TMED7: variants seen among roughly 807,000 people sequenced by gnomAD.
TMED7 encodes transmembrane p24 trafficking protein 7.
A neutral mutation model predicts 23.4 loss-of-function variants in TMED7; 8 were observed. That is an observed-to-expected ratio of 0.34 (90% CI 0.20 to 0.62). The LOEUF (loss-of-function observed/expected upper bound fraction) is 0.62. TMED7 is among the 20% of genes least tolerant of loss of function. The pLI is 0.77. For synonymous variants in TMED7, 121 were observed against 108.5 expected (o/e 1.12, Z -0.72); for missense variants, 232 against 279.1 (o/e 0.83, Z 1.20).
In TMED7 at chr5:115,625,615, T is replaced by C; in HGVS notation, c.178A>G (p.Thr60Ala). 1.3e-6 allele frequency: 2 copies of C among 1,587,922 alleles called. No individual in the cohort carries two copies. The highest frequency in any genetic ancestry group is 1.7e-6 in the Non-Finnish European group (2 of 1,167,722). ...YEDIAQGTKC[T>A]LEFQVITGGH... Reference sequence around the variant, plus strand: ...GCCCCTGATACCTGGAACTCCAGGGTGCACTTGGTGCCCTGAGCGATGTCC... The same window carrying C: ...GCCCCTGATACCTGGAACTCCAGGGCGCACTTGGTGCCCTGAGCGATGTCC... The change falls in exon 1 of 3, where the codon ACC (threonine) becomes GCC (alanine). Residue 60 changes from threonine (T) to alanine (A), a missense_variant. This residue lies in a region of TMED7 where 106 missense variants were observed against 97.0 expected (regional missense o/e 1.09). Transcript: ENST00000456936.
rs973626531 is a variant in TMED7, at chr5:115,615,597, C to T, written c.*612G>A. The T allele has an allele frequency of 6.5e-6, 1 of 152,984 alleles. No homozygotes were observed. Among genetic ancestry groups the T allele is most frequent in the Non-Finnish European group, 1.5e-5 (1 of 68,362 alleles). 9.5% of individuals were successfully genotyped at this position (152,984 alleles called of 1,614,324 possible). A position where few individuals can be genotyped will look rare whatever the true frequency, so the allele number is the denominator to read the frequency against. ...TACTGTTTTCTGTGTACTACAAATG[C>T]CTTTATGAAAAAATAGCATAGCTGG... On this transcript the variant is annotated 3_prime_UTR_variant, in exon 3 of 3. Coordinates refer to ENST00000456936, the MANE Select transcript of TMED7 (RefSeq NM_181836.6).
intron 2 of TMED7, among the ~76,000 whole-genome samples, chr5:115,619,413 A>C (rs973823686): frequency 1.3e-5 from 2 of 152,186 alleles, no homozygotes; most frequent in Non-Finnish European, 2.9e-5. Context: ...GAACACTAAA[A>C]TACCAGTTTA....
At position 115,615,104 on chromosome 5, in the gene TMED7, TTAAC is replaced by T. The variant is rs1756656968; in HGVS notation, c.*1101_*1104del. On this transcript the variant is annotated 3_prime_UTR_variant, in exon 3 of 3. Coordinates refer to ENST00000456936, the MANE Select transcript of TMED7 (RefSeq NM_181836.6). ...CAGAATATGCACTATTTAATACTCA[TTAAC>T]TAAAGAAAAGTCAATGAAGATTACC... 6.6e-6 allele frequency: 1 copy of T among 152,222 alleles called. No individual in the cohort carries two copies. Among genetic ancestry groups the T allele is most frequent in the South Asian group, 2.1e-4 (1 of 4,832 alleles). 9.4% of individuals were successfully genotyped at this position (152,222 alleles called of 1,614,324 possible).
intron 1 of TMED7, among the ~76,000 whole-genome samples, chr5:115,624,440 A>T (rs539714389): frequency 2.0e-5 from 3 of 152,146 alleles, no homozygotes; most frequent in Admixed American, 6.5e-5. Flanking sequence ...ATAACCTCCT[A>T]ATCAGCCTTC....
Position 115,614,776 on chromosome 5 carries a change from G to A in TMED7, c.*1433C>T, listed in dbSNP as rs1236508963. 1.3e-5 allele frequency: 2 copies of A among 152,014 alleles called. No individual in the cohort carries two copies. The highest frequency in any genetic ancestry group is 4.8e-5 in the African/African-American group (2 of 41,410). 9.4% of individuals were successfully genotyped at this position (152,014 alleles called of 1,614,324 possible). A position where few individuals can be genotyped will look rare whatever the true frequency, so the allele number is the denominator to read the frequency against. ...GCTTAGAATTAAGAGTTAACTTCTA[G>A]TCAGTATTGGTAAGTGACTAGGATG... is the stretch of plus-strand genomic sequence containing the variant. On this transcript the variant is annotated 3_prime_UTR_variant, in exon 3 of 3. Coordinates refer to ENST00000456936, the MANE Select transcript of TMED7 (RefSeq NM_181836.6).
rs950406269 is a variant in TMED7 at position 115,614,272 on chromosome 5, C to T, written c.*1937G>A. The T allele has an allele frequency of 6.6e-6, 1 of 152,084 alleles. No homozygotes were observed. The highest frequency in any genetic ancestry group is 2.4e-5 in the African/African-American group (1 of 41,396). 9.4% of individuals were successfully genotyped at this position (152,084 alleles called of 1,614,324 possible). On this transcript the variant is annotated 3_prime_UTR_variant, in exon 3 of 3. Coordinates refer to ENST00000456936, the MANE Select transcript of TMED7 (RefSeq NM_181836.6). Reference sequence around the variant, plus strand: ...AAATTTTAATATCTCAATAGTTTCACCAAAAATTATTTGTGGTAATATGCT... The same window carrying T: ...AAATTTTAATATCTCAATAGTTTCATCAAAAATTATTTGTGGTAATATGCT...
At chr5:115,620,825 G>T in intron 1 of TMED7, 145 bp from the exon 2 acceptor site, 1 of 1,063,806 alleles carries the variant, frequency 9.4e-7, no homozygotes, top group Non-Finnish European at 1.2e-6. Flanking sequence ...GATGGAACTT[G>T]GGAGATTTTA....
At chr5:115,623,283 C>G (rs1353871763) in intron 1 of TMED7, among the ~76,000 whole-genome samples, 1 of 152,170 alleles carries the variant, frequency 6.6e-6, no homozygotes. Context: ...ACCAAGCAAC[C>G]CAAAATAGAG....
chr5:115,617,305 A>C (rs1455757503), intron 2 of TMED7, among the ~76,000 whole-genome samples: 4 of 152,212 alleles, frequency 2.6e-5, no homozygotes, highest in Non-Finnish European at 5.9e-5. Context: ...AGTTTTAAAA[A>C]CAAATCTAAG....
chr5:115,620,722 A>G (rs1276053990), intron 1 of TMED7, 42 bp from the exon 2 acceptor site: 34 of 1,360,258 alleles, frequency 2.5e-5, no homozygotes, highest in Non-Finnish European at 3.2e-5. Context: ...GAAAAGTGTG[A>G]AAAATTAATC....
chr5:115,625,900 A>C lies in TMED7; in HGVS notation c.-108T>G. 1 of 1,287,718 alleles carries C rather than the reference A, an allele frequency of 7.8e-7. No individual in the cohort carries two copies. The highest frequency in any genetic ancestry group is 9.8e-7 in the Non-Finnish European group (1 of 1,016,612). The allele number at this position is 1,287,718 out of a possible 1,614,324, so 79.8% of individuals were successfully genotyped here. ...AGCGCAGGCCACCCCGCAAAGATACACAGCAGAGCAGGTTCACGCCTGTGG... is the reference window on the plus strand; with the variant it reads ...AGCGCAGGCCACCCCGCAAAGATACCCAGCAGAGCAGGTTCACGCCTGTGG... On this transcript the variant is annotated 5_prime_UTR_variant, in exon 1 of 3. Coordinates refer to ENST00000456936, the MANE Select transcript of TMED7 (RefSeq NM_181836.6).
At position 115,620,654 on chromosome 5, in the gene TMED7, T is replaced by C. The variant is rs1484453131; in HGVS notation, c.219A>G (p.Val73=). 2 of 1,534,566 alleles carry C rather than the reference T, an allele frequency of 1.3e-6. No individual in the cohort carries two copies. The highest frequency in any genetic ancestry group is 1.8e-6 in the Non-Finnish European group (2 of 1,141,464). Residue 73 remains valine (V), a synonymous_variant, in exon 2 of 3, where the codon GTA becomes GTG. Transcript: ENST00000456936. ...FQVITGGHYD[V]DCRLEDPDGK... is the part of the protein sequence containing the mutation. ...CATCAGGATCTTCTAATCGACAATCTACATCATAGTGACCACCAGTAATCA... is the reference window on the plus strand; with the variant it reads ...CATCAGGATCTTCTAATCGACAATCCACATCATAGTGACCACCAGTAATCA...
chr5:115,624,972 A>C (rs1012010406), intron 1 of TMED7, among the ~76,000 whole-genome samples: 7 of 152,232 alleles, frequency 4.6e-5, no homozygotes, highest in African/African-American at 1.7e-4. Flanking sequence ...TCAAATGTTA[A>C]ATGCGCCTAC....
chr5:115,620,206 T>C, intron 2 of TMED7: 1 of 480,742 alleles, frequency 2.1e-6, no homozygotes, highest in East Asian at 4.8e-5. Context: ...CCTCCTTATT[T>C]TAATGCTTCT....
rs1756728269 is a variant in TMED7, at chr5:115,616,098, G to A, written c.*111C>T. ...GCATTGTACATCCCTCCCAACAAGTGTATGAGTAAGGATTTAAAAATGTTG... is the reference window on the plus strand; with the variant it reads ...GCATTGTACATCCCTCCCAACAAGTATATGAGTAAGGATTTAAAAATGTTG... On this transcript the variant is annotated 3_prime_UTR_variant, in exon 3 of 3. Coordinates refer to ENST00000456936, the MANE Select transcript of TMED7 (RefSeq NM_181836.6). 1 of 1,029,504 alleles carries A rather than the reference G, an allele frequency of 9.7e-7. No homozygotes were observed. 63.8% of individuals were successfully genotyped at this position (1,029,504 alleles called of 1,614,324 possible).
rs1357435889 is a variant in TMED7, at chr5:115,615,185, A to T, written c.*1024T>A. Reference sequence around the variant, plus strand: ...TTTTTAAATCACTTTAGGGTAGCTAACCAGAAACTACAGAAATAAAATATG... The same window carrying T: ...TTTTTAAATCACTTTAGGGTAGCTATCCAGAAACTACAGAAATAAAATATG... On this transcript the variant is annotated 3_prime_UTR_variant, in exon 3 of 3. Coordinates refer to ENST00000456936, the MANE Select transcript of TMED7 (RefSeq NM_181836.6). 6.6e-6 allele frequency: 1 copy of T among 152,502 alleles called. No individual in the cohort carries two copies. Among genetic ancestry groups the T allele is most frequent in the Non-Finnish European group, 1.5e-5 (1 of 67,970 alleles). 9.4% of individuals were successfully genotyped at this position (152,502 alleles called of 1,614,324 possible). A position where few individuals can be genotyped will look rare whatever the true frequency, so the allele number is the denominator to read the frequency against.
At chr5:115,620,762 C>A in intron 1 of TMED7, 82 bp from the exon 2 acceptor site, 2 of 1,302,896 alleles carry the variant, frequency 1.5e-6, no homozygotes, top group Non-Finnish European at 2.0e-6. Context: ...ATTAAAATGG[C>A]AATAAGGTGA....
chr5:115,625,988 G>T lies in TMED7; in HGVS notation c.-196C>A. Reference sequence around the variant, plus strand: ...AGGGGCGCAGACGGGCGGACCTGGGGAGGTAAAAGAGAAGCGGAAAAGGCC... The same window carrying T: ...AGGGGCGCAGACGGGCGGACCTGGGTAGGTAAAAGAGAAGCGGAAAAGGCC... On this transcript the variant is annotated 5_prime_UTR_variant, in exon 1 of 3. Transcript: ENST00000456936. 1 of 682,226 alleles carries T rather than the reference G, an allele frequency of 1.5e-6. No individual in the cohort carries two copies. Among genetic ancestry groups the T allele is most frequent in the Non-Finnish European group, 2.1e-6 (1 of 480,822 alleles). 42.3% of individuals were successfully genotyped at this position (682,226 alleles called of 1,614,324 possible).
intron 2 of TMED7, among the ~76,000 whole-genome samples, chr5:115,619,872 T>A (rs1756960878): frequency 6.6e-6 from 1 of 152,186 alleles, no homozygotes; most frequent in Non-Finnish European, 1.5e-5. Flanking sequence ...TTACGCTTTC[T>A]CTATGTCTCC....
Sources: allele counts gnomAD v4.1 joint callset (sites outside exome capture counted in the v4.1 genomes callset), GRCh38; gene constraint gnomAD v4.1.1; regional missense constraint gnomAD v4.1.1; transcripts MANE v1.5; gene names NCBI Gene and HGNC (gene_info 2026-07-23, HGNC 2026-07-21).